ZNF385D: variants seen among roughly 807,000 people sequenced by gnomAD.
ZNF385D encodes zinc finger protein 659.
A neutral mutation model predicts 35.8 loss-of-function variants in ZNF385D; 15 were observed. The observed-to-expected ratio is 0.42, with a 90% CI of 0.28 to 0.64. The LOEUF is 0.64. Ranked by LOEUF, ZNF385D falls within the 30% of genes least tolerant of loss-of-function variation. The probability of loss-of-function intolerance (pLI) is 0.23; values close to 1 mark genes in which losing one functional copy is unlikely to be tolerated. For synonymous variants in ZNF385D, 212 were observed against 186.8 expected (o/e 1.13, Z -1.10); for missense variants, 474 against 494.6 (o/e 0.96, Z 0.39).
At chr3:21,883,216 T>A (rs560025365) in intron 3 of ZNF385D, among the ~76,000 whole-genome samples, 51 of 152,098 alleles carry the variant, frequency 3.4e-4, no homozygotes, top group Non-Finnish European at 5.9e-4. Context: ...TTTTTTATTA[T>A]GTGATTATTT....
intron 3 of ZNF385D, among the ~76,000 whole-genome samples, chr3:22,133,407 A>G (rs1052358383): frequency 6.6e-6 from 1 of 152,022 alleles, no homozygotes; most frequent in Non-Finnish European, 1.5e-5. Flanking sequence ...AGGGAAGGAG[A>G]GGCAGGAAAA....
At chr3:21,782,657 C>T (rs2071539122) in intron 3 of ZNF385D, among the ~76,000 whole-genome samples, 1 of 152,076 alleles carries the variant, frequency 6.6e-6, no homozygotes, top group African/African-American at 2.4e-5. Flanking sequence ...GCCTAATATA[C>T]ATAACAAATG....
chr3:21,829,929 G>T (rs916322387), intron 3 of ZNF385D, among the ~76,000 whole-genome samples: 6 of 151,934 alleles, frequency 3.9e-5, no homozygotes, highest in African/African-American at 1.5e-4. Flanking sequence ...TTCAAGAGCG[G>T]CCTGGCCAAC....
chr3:22,299,721 T>TA (rs1316943521), intron 2 of ZNF385D, among the ~76,000 whole-genome samples: 1 of 151,682 alleles, frequency 6.6e-6, no homozygotes, highest in Non-Finnish European at 1.5e-5. Flanking sequence ...AAAATAGTTA[T>TA]AAAAAATAGT....
chr3:21,558,669 G>C (rs926575168), intron 3 of ZNF385D, among the ~76,000 whole-genome samples: 4 of 152,088 alleles, frequency 2.6e-5, no homozygotes, highest in African/African-American at 7.2e-5. Flanking sequence ...TATTGGGCCC[G>C]CTTGGCCCAG....
At chr3:21,897,934 T>A (rs1045415982) in intron 3 of ZNF385D, among the ~76,000 whole-genome samples, 1 of 152,138 alleles carries the variant, frequency 6.6e-6, no homozygotes, top group Admixed American at 6.6e-5. Flanking sequence ...TTGTTAGTTT[T>A]TAAAAAACTG....
At chr3:21,908,859 G>A (rs1447710101) in intron 3 of ZNF385D, among the ~76,000 whole-genome samples, 3 of 151,990 alleles carry the variant, frequency 2.0e-5, no homozygotes, top group African/African-American at 7.2e-5. Context: ...TCAATGTTAT[G>A]ACAATTTCAG....
chr3:21,886,258 G>C (rs554591075), intron 3 of ZNF385D, among the ~76,000 whole-genome samples: 1 of 152,002 alleles, frequency 6.6e-6, no homozygotes. Context: ...CTGGATGATG[G>C]AAGAAGGTTT....
At chr3:21,871,033 GAAT>G (rs1294953920) in intron 3 of ZNF385D, among the ~76,000 whole-genome samples, 1 of 152,134 alleles carries the variant, frequency 6.6e-6, no homozygotes, top group Non-Finnish European at 1.5e-5. Context: ...CTTACAAGCA[GAAT>G]AACTGCTGCT....
intron 3 of ZNF385D, among the ~76,000 whole-genome samples, chr3:22,131,080 A>G (rs13096450): frequency 0.17 from 25,782 of 152,142 alleles, 2,658 homozygotes; most frequent in African/African-American, 0.29. Context: ...ATAAAACAAA[A>G]TAACAGTTAA....
intron 3 of ZNF385D, among the ~76,000 whole-genome samples, chr3:21,813,175 T>C (rs546828670): frequency 2.0e-5 from 3 of 152,176 alleles, no homozygotes; most frequent in African/African-American, 7.2e-5. Context: ...AGGACATCCA[T>C]ACCAAAACCC....
chr3:21,858,472 T>A (rs1299632945), intron 3 of ZNF385D, among the ~76,000 whole-genome samples: 1 of 151,988 alleles, frequency 6.6e-6, no homozygotes, highest in Non-Finnish European at 1.5e-5. Context: ...AAAGGTTAAT[T>A]AGCTCATGAG....
At chr3:21,994,382 A>G (rs1404184743) in intron 3 of ZNF385D, among the ~76,000 whole-genome samples, 1 of 152,222 alleles carries the variant, frequency 6.6e-6, no homozygotes, top group Non-Finnish European at 1.5e-5. Context: ...TCCAGAATTT[A>G]TGGGTTTTAA....
intron 3 of ZNF385D, among the ~76,000 whole-genome samples, chr3:21,850,998 T>C (rs1696349027): frequency 6.6e-6 from 1 of 151,766 alleles, no homozygotes; most frequent in African/African-American, 2.4e-5. Flanking sequence ...AGCCAGAAAA[T>C]ATAACTCATA....
chr3:21,989,131 G>C (rs557090570), intron 3 of ZNF385D, among the ~76,000 whole-genome samples: 1 of 152,140 alleles, frequency 6.6e-6, no homozygotes, highest in African/African-American at 2.4e-5. Context: ...GCTCACGCTG[G>C]GAGCTGTAGA....
intron 3 of ZNF385D, among the ~76,000 whole-genome samples, chr3:22,033,010 A>G (rs1698092799): frequency 6.6e-6 from 1 of 152,160 alleles, no homozygotes; most frequent in South Asian, 2.1e-4. Flanking sequence ...ACCCTGTGCT[A>G]TACTGCAGAC....
intron 3 of ZNF385D, among the ~76,000 whole-genome samples, chr3:22,145,697 C>A (rs898259841): frequency 6.6e-6 from 1 of 152,116 alleles, no homozygotes; most frequent in African/African-American, 2.4e-5. Flanking sequence ...GAAATCAGAC[C>A]TAATCAGTAC....
At chr3:21,981,712 T>A (rs1161936280) in intron 3 of ZNF385D, among the ~76,000 whole-genome samples, 1 of 152,194 alleles carries the variant, frequency 6.6e-6, no homozygotes, top group African/African-American at 2.4e-5. Context: ...CATTTAAGTA[T>A]TCAATTCATC....
At chr3:21,559,649 C>A (rs149860665) in intron 3 of ZNF385D, among the ~76,000 whole-genome samples, 2 of 152,084 alleles carry the variant, frequency 1.3e-5, no homozygotes, top group African/African-American at 4.8e-5. Flanking sequence ...TGGGGTTGCT[C>A]TTCTCAAGGA....
Sources: gnomAD v4.1 joint callset for allele counts (sites outside exome capture counted in the v4.1 genomes callset) on GRCh38, gnomAD v4.1.1 for gene constraint, MANE v1.5 for transcripts, NCBI Gene and HGNC (gene_info 2026-07-23, HGNC 2026-07-21) for gene names.